SDK1: variants seen among roughly 807,000 people sequenced by gnomAD.
SDK1 encodes the protein protein sidekick-1.
Under a neutral mutation model 245.5 loss-of-function variants are expected in SDK1, and 157 were observed. The ratio of observed to expected loss-of-function variants is 0.64; its 90% CI spans 0.56 to 0.73. The LOEUF (loss-of-function observed/expected upper bound fraction) is 0.73, where lower values mean the gene tolerates loss of function less well. Ranked by LOEUF, SDK1 falls within the 30% of genes least tolerant of loss-of-function variation. The pLI is 0.00. For synonymous variants in SDK1, 1,647 were observed against 1,278.5 expected (o/e 1.29, Z -6.15); for missense variants, 3,583 against 3,002.3 (o/e 1.19, Z -4.52).
At chr7:4,101,149 A>ATTTTTT (rs376555352) in intron 22 of SDK1, among the ~76,000 whole-genome samples, 1 of 137,708 alleles carries the variant, frequency 7.3e-6, no homozygotes, top group Non-Finnish European at 1.6e-5. Flanking sequence ...GGACACTTGC[A>ATTTTTT]TTTTTTTTTT....
intron 7 of SDK1, among the ~76,000 whole-genome samples, chr7:3,953,476 A>G (rs188151148): frequency 6.6e-6 from 1 of 152,232 alleles, no homozygotes; most frequent in African/African-American, 2.4e-5. Flanking sequence ...TGTAAATATC[A>G]CATCCCATTC....
rs1789145057 is a variant in SDK1 at position 4,048,010 on chromosome 7, G to C, written c.2603-1338G>C. Among the ~76,000 whole-genome samples the C allele has an allele frequency of 2.0e-5, 3 of 152,142 alleles. No homozygotes were observed. In the South Asian group the frequency reaches 6.2e-4, roughly 32 times the overall value. ...TCACAGCCATGACCAGCAGTGGATG[G>C]GGACAGAGGGTCCTCCTGCATGCCT... On this transcript the variant is annotated intron_variant, in intron 17 of 44. Transcript: ENST00000404826.
chr7:3,545,689 A>G (rs1007262892), intron 1 of SDK1, among the ~76,000 whole-genome samples: 14 of 152,136 alleles, frequency 9.2e-5, no homozygotes, highest in Non-Finnish European at 1.5e-4. Context: ...TCAGCATTTT[A>G]CCAGGCCAGA....
intron 1 of SDK1, among the ~76,000 whole-genome samples, chr7:3,481,888 G>A (rs910655662): frequency 6.6e-6 from 1 of 152,086 alleles, no homozygotes; most frequent in African/African-American, 2.4e-5. Flanking sequence ...TTTCTGCCAG[G>A]ACTCTGACTG....
intron 4 of SDK1, among the ~76,000 whole-genome samples, chr7:3,704,357 A>G (rs1200235202): frequency 6.8e-6 from 1 of 146,712 alleles, no homozygotes; most frequent in Admixed American, 6.8e-5. Context: ...ATCCATGCCA[A>G]TATCGATTTT....
intron 1 of SDK1, among the ~76,000 whole-genome samples, chr7:3,318,048 G>A (rs914757099): frequency 1.3e-5 from 2 of 152,016 alleles, no homozygotes; most frequent in Non-Finnish European, 2.9e-5. Flanking sequence ...GTATTTGTTC[G>A]CTGATATTTT....
At chr7:3,510,493 A>T (rs1782544568) in intron 1 of SDK1, among the ~76,000 whole-genome samples, 1 of 152,184 alleles carries the variant, frequency 6.6e-6, no homozygotes, top group Non-Finnish European at 1.5e-5. Flanking sequence ...CATGGGATTT[A>T]TTTAATGTTT....
intron 4 of SDK1, among the ~76,000 whole-genome samples, chr7:3,736,656 G>A (rs1779325738): frequency 1.3e-5 from 2 of 151,986 alleles, no homozygotes; most frequent in Admixed American, 1.3e-4. Context: ...GCTTTACTGA[G>A]GTATAGTCAT....
chr7:3,685,179 A>G lies in SDK1; in HGVS notation c.713+43074A>G, dbSNP rs183665825. ...GGATAAATGCAAATAAATTTATACC[A>G]AGACACATCATAAATAAACTTGTGA... On this transcript the variant is annotated intron_variant, in intron 4 of 44. Coordinates refer to ENST00000404826, the MANE Select transcript of SDK1 (RefSeq NM_152744.4). 1.5e-4 allele frequency among the ~76,000 whole-genome samples: 22 copies of G among 151,424 alleles called. No homozygotes were observed. The Admixed American group carries it at 1.5e-3, about 10-fold the overall frequency.
At chr7:3,715,624 G>A (rs1010827026) in intron 4 of SDK1, among the ~76,000 whole-genome samples, 3 of 152,134 alleles carry the variant, frequency 2.0e-5, no homozygotes, top group African/African-American at 7.2e-5. Flanking sequence ...TGGAACTACA[G>A]CCCAAAAAAG....
At chr7:3,762,784 T>A (rs149019224) in intron 4 of SDK1, among the ~76,000 whole-genome samples, 9 of 152,366 alleles carry the variant, frequency 5.9e-5, no homozygotes, top group Non-Finnish European at 1.2e-4. Flanking sequence ...CTAATAGTTT[T>A]TAAAAAATCA....
chr7:3,952,918 A>G (rs1290851739), intron 7 of SDK1, among the ~76,000 whole-genome samples: 1 of 152,046 alleles, frequency 6.6e-6, no homozygotes, highest in Non-Finnish European at 1.5e-5. Flanking sequence ...TATTTCTCTC[A>G]TTTTTCCAGC....
chr7:3,564,750 G>A lies in SDK1; in HGVS notation c.299-54330G>A, dbSNP rs376140006. On this transcript the variant is annotated intron_variant, in intron 1 of 44. Coordinates refer to ENST00000404826, the MANE Select transcript of SDK1 (RefSeq NM_152744.4). The stretch of plus-strand genomic sequence containing the variant: ...CTTTCCTCCCAGAAAGCACCTGAGA[G>A]AATTTTATGGTTGAGTTCTACTAAA... Among the ~76,000 whole-genome samples the A allele has an allele frequency of 2.8e-4, 43 of 152,200 alleles. 1 individual carries two copies. Among genetic ancestry groups the A allele is most frequent in the Middle Eastern group, 3.4e-3 (1 of 294 alleles).
intron 22 of SDK1, among the ~76,000 whole-genome samples, chr7:4,082,662 C>G (rs1421485895): frequency 2.6e-5 from 4 of 152,022 alleles, no homozygotes; most frequent in Non-Finnish European, 5.9e-5. Flanking sequence ...ACTCTGTCAC[C>G]CAGACAGGAG....
intron 5 of SDK1, among the ~76,000 whole-genome samples, chr7:3,919,919 C>T (rs1285472900): frequency 6.6e-6 from 1 of 152,160 alleles, no homozygotes. Context: ...ACCAGTGGCA[C>T]TGGCCACTAG....
At chr7:4,199,105 G>A (rs904069751) in intron 35 of SDK1, among the ~76,000 whole-genome samples, 6 of 152,144 alleles carry the variant, frequency 3.9e-5, no homozygotes, top group South Asian at 2.1e-4. Flanking sequence ...GTGAGCCAGC[G>A]TACCCGGCCT....
chr7:3,793,371 G>A (rs1420326107), intron 4 of SDK1, among the ~76,000 whole-genome samples: 7 of 152,188 alleles, frequency 4.6e-5, no homozygotes, highest in African/African-American at 1.4e-4. Context: ...GGATAGAAAA[G>A]CTATGTATTT....
At chr7:3,451,299 G>T (rs1315816281) in intron 1 of SDK1, among the ~76,000 whole-genome samples, 1 of 151,520 alleles carries the variant, frequency 6.6e-6, no homozygotes, top group Non-Finnish European at 1.5e-5. Context: ...CTTTCCCACT[G>T]AGTCTGGAGA....
At chr7:3,891,392 A>G (rs1379384104) in intron 5 of SDK1, among the ~76,000 whole-genome samples, 2 of 152,182 alleles carry the variant, frequency 1.3e-5, no homozygotes, top group Non-Finnish European at 2.9e-5. Flanking sequence ...GCTCTCCTTC[A>G]TGGCTGAGCA....
Sources: gnomAD v4.1 joint callset for allele counts (sites outside exome capture counted in the v4.1 genomes callset) on GRCh38, gnomAD v4.1.1 for gene constraint, MANE v1.5 for transcripts, NCBI Gene and HGNC (gene_info 2026-07-23, HGNC 2026-07-21) for gene names.